The following MBOAT1 variants were observed in gnomAD, a reference collection of about 807,000 sequenced individuals.
The protein encoded by MBOAT1 is membrane bound glycerophospholipid O-acyltransferase 1, also known as membrane-bound glycerophospholipid O-acyltransferase 1.
In MBOAT1, 67 loss-of-function variants were observed where a neutral mutation model predicts 64.4. That is an observed-to-expected ratio of 1.04 (90% CI 0.85 to 1.27). The LOEUF (loss-of-function observed/expected upper bound fraction) is 1.27. Ranked by LOEUF, MBOAT1 falls within the 50% of genes most tolerant of loss-of-function variation. The pLI is 0.00. For synonymous variants in MBOAT1, 229 were observed against 218.9 expected, an observed-to-expected ratio of 1.05 and a Z score of -0.41; for missense variants, 563 against 604.6, an observed-to-expected ratio of 0.93 and a Z score of 0.72.
chr6:20,124,274 C>A, intron 8 of MBOAT1, 134 bp downstream of exon 8: 1 of 807,408 alleles, frequency 1.2e-6, no homozygotes, highest in Non-Finnish European at 1.9e-6. Context: ...TACGTTAAAA[C>A]TGACCCTGAC....
chr6:20,160,637 C>G (rs1761824529), intron 1 of MBOAT1, among the ~76,000 whole-genome samples: 1 of 151,328 alleles, frequency 6.6e-6, no homozygotes, highest in Admixed American at 6.6e-5. Flanking sequence ...CAAAACCAAT[C>G]AAGTTAAACA....
intron 1 of MBOAT1, among the ~76,000 whole-genome samples, chr6:20,170,054 T>A (rs1762145585): frequency 6.6e-6 from 1 of 152,110 alleles, no homozygotes; most frequent in Non-Finnish European, 1.5e-5. Context: ...GGCACCACAT[T>A]CCCACAGCTG....
chr6:20,160,483 T>C (rs1020982326), intron 1 of MBOAT1, among the ~76,000 whole-genome samples: 4 of 151,986 alleles, frequency 2.6e-5, no homozygotes, highest in African/African-American at 9.7e-5. Flanking sequence ...AAGGAAAAAA[T>C]TAACAGAGTG....
intron 2 of MBOAT1, among the ~76,000 whole-genome samples, chr6:20,152,115 G>A (rs1025537349): frequency 1.3e-5 from 2 of 151,888 alleles, no homozygotes; most frequent in Non-Finnish European, 2.9e-5. Context: ...GAGCTCAGGC[G>A]TTTGCAACCA....
intron 4 of MBOAT1, among the ~76,000 whole-genome samples, chr6:20,135,827 G>C (rs186704618): frequency 1.3e-5 from 2 of 152,308 alleles, no homozygotes; most frequent in African/African-American, 4.8e-5. Flanking sequence ...AGGCAAGCAA[G>C]AAGTTTGGCA....
Position 20,115,291 on chromosome 6 carries a change from T to C in MBOAT1, c.1073A>G (p.Lys358Arg). 1 of 1,606,688 alleles carries C rather than the reference T, an allele frequency of 6.2e-7. No homozygotes were observed. The highest frequency in any genetic ancestry group is 1.1e-5 in the South Asian group (1 of 90,948). Reference sequence around the variant, plus strand: ...AGGTCGTTTTTGTTTTTCTTACCACTTTAGCCAAGTAGCTGTCTGAATATT... The same window carrying C: ...AGGTCGTTTTTGTTTTTCTTACCACCTTAGCCAAGTAGCTGTCTGAATATT... Reference protein sequence around the residue: ...NWNIQTATWLKCVCYQRVPWY... With the variant: ...NWNIQTATWLRCVCYQRVPWY... The change falls in exon 10 of 13, where the codon AAG becomes AGG. Residue 358 changes from lysine to arginine, a missense_variant. Coordinates refer to ENST00000324607, the MANE Select transcript of MBOAT1 (RefSeq NM_001080480.3).
intron 1 of MBOAT1, among the ~76,000 whole-genome samples, chr6:20,183,272 A>C (rs1762560415): frequency 6.6e-6 from 1 of 152,234 alleles, no homozygotes; most frequent in Admixed American, 6.5e-5. Flanking sequence ...CAAGGATTCT[A>C]CTAAAACAAA....
intron 4 of MBOAT1, among the ~76,000 whole-genome samples, chr6:20,136,397 T>G (rs1053386601): frequency 6.6e-6 from 1 of 152,250 alleles, no homozygotes; most frequent in African/African-American, 2.4e-5. Flanking sequence ...GTATAACTTA[T>G]GTCTGCAGAA....
At chr6:20,129,732 C>T (rs141269432) in intron 5 of MBOAT1, among the ~76,000 whole-genome samples, 2 of 152,138 alleles carry the variant, frequency 1.3e-5, no homozygotes, top group South Asian at 2.1e-4. Flanking sequence ...AAATAGTAAT[C>T]GCTGGCAATC....
intron 2 of MBOAT1, among the ~76,000 whole-genome samples, chr6:20,152,390 A>T (rs1472683843): frequency 6.7e-6 from 1 of 148,840 alleles, no homozygotes; most frequent in African/African-American, 2.5e-5. Flanking sequence ...AATTAATTAA[A>T]AAAAAGAAAA....
At chr6:20,161,216 G>T (rs1010275350) in intron 1 of MBOAT1, among the ~76,000 whole-genome samples, 1 of 151,864 alleles carries the variant, frequency 6.6e-6, no homozygotes, top group Admixed American at 6.6e-5. Context: ...GTAGGCTGCC[G>T]CTCCTTATAA....
chr6:20,110,215 T>C (rs927907279), intron 11 of MBOAT1, among the ~76,000 whole-genome samples: 2 of 100,546 alleles, frequency 2.0e-5, no homozygotes, highest in African/African-American at 6.0e-5. Context: ...GGCCCAGGAC[T>C]CTTTTTTTTT....
chr6:20,194,238 A>G (rs1473139740), intron 1 of MBOAT1, among the ~76,000 whole-genome samples: 1 of 152,202 alleles, frequency 6.6e-6, no homozygotes, highest in African/African-American at 2.4e-5. Context: ...AGTTTCCTCT[A>G]TTATTAACAT....
At chr6:20,191,235 C>T (rs746159096) in intron 1 of MBOAT1, among the ~76,000 whole-genome samples, 4 of 152,174 alleles carry the variant, frequency 2.6e-5, no homozygotes, top group Non-Finnish European at 5.9e-5. Flanking sequence ...TCACTTCCAC[C>T]TTCTAATTTC....
chr6:20,146,125 C>T (rs985073696), intron 3 of MBOAT1, among the ~76,000 whole-genome samples: 4 of 152,074 alleles, frequency 2.6e-5, no homozygotes, highest in Non-Finnish European at 4.4e-5. Context: ...TAAGTGGTTC[C>T]GGAGCCCATC....
intron 1 of MBOAT1, among the ~76,000 whole-genome samples, chr6:20,191,161 G>C (rs1371035872): frequency 6.6e-6 from 1 of 152,172 alleles, no homozygotes; most frequent in Non-Finnish European, 1.5e-5. Flanking sequence ...ATCCAGGTTA[G>C]TTATCTCGAA....
intron 4 of MBOAT1, among the ~76,000 whole-genome samples, chr6:20,133,110 A>G (rs971623439): frequency 1.3e-5 from 2 of 152,248 alleles, no homozygotes; most frequent in African/African-American, 4.8e-5. Flanking sequence ...TATTTGCAAT[A>G]TCTTTCTATC....
chr6:20,112,855 C>A, intron 11 of MBOAT1, 21 bp downstream of exon 11: 2 of 1,608,152 alleles, frequency 1.2e-6, no homozygotes, highest in South Asian at 2.2e-5. Flanking sequence ...GGGAAAGACC[C>A]TAGGCCTAAA....
chr6:20,193,227 C>T (rs559659929), intron 1 of MBOAT1, among the ~76,000 whole-genome samples: 23 of 151,566 alleles, frequency 1.5e-4, no homozygotes, highest in African/African-American at 5.6e-4. Context: ...AGGATGGTCT[C>T]GATCTCCTGA....
Sources: allele counts gnomAD v4.1 joint callset (sites outside exome capture counted in the v4.1 genomes callset), GRCh38; gene constraint gnomAD v4.1.1; transcripts MANE v1.5; gene names NCBI Gene and HGNC (gene_info 2026-07-23, HGNC 2026-07-21).